Variants in FSIP2 observed in about 807,000 individuals in gnomAD.
The protein encoded by FSIP2 is fibrous sheath interacting protein 2, also known as fibrous sheath-interacting protein 2.
Under a neutral mutation model 510.5 loss-of-function variants are expected in FSIP2, and 367 were observed. That is an observed-to-expected ratio of 0.72 (90% CI 0.66 to 0.78). The LOEUF is 0.78. Among genes scored for constraint, FSIP2 ranks in the 30% least tolerant of loss-of-function variants. FSIP2 has a pLI of 0.00. For synonymous variants in FSIP2, 2,601 were observed against 2,732.2 expected (o/e 0.95, Z 1.50); for missense variants, 7,594 against 7,901.7 (o/e 0.96, Z 1.48).
Position 185,796,792 on chromosome 2 carries a change from A to G in FSIP2, c.9656A>G (p.Lys3219Arg). ...SVRSSVEDTVKNSEPTKRPDS... is the reference protein window; with the variant it reads ...SVRSSVEDTVRNSEPTKRPDS... ...AGATCCTCTGTAGAAGACACAGTTAAAAACTCAGAGCCAACGAAAAGGCCT... is the reference window on the plus strand; with the variant it reads ...AGATCCTCTGTAGAAGACACAGTTAGAAACTCAGAGCCAACGAAAAGGCCT... The change falls in exon 16 of 23, where the codon AAA becomes AGA. Residue 3219 changes from lysine (K) to arginine (R), a missense_variant. Coordinates refer to ENST00000424728, the MANE Select transcript of FSIP2 (RefSeq NM_173651.4). 1 of 1,535,170 alleles carries G rather than the reference A, an allele frequency of 6.5e-7. No individual in the cohort carries two copies. Among genetic ancestry groups the G allele is most frequent in the South Asian group, 1.2e-5 (1 of 84,022 alleles).
chr2:185,801,393 TG>T lies in FSIP2; in HGVS notation c.12088del (p.Glu4030LysfsTer31), dbSNP rs1253610824. 3 of 1,534,202 alleles carry T rather than the reference TG, an allele frequency of 2.0e-6. No individual in the cohort carries two copies. Among genetic ancestry groups the T allele is most frequent in the Non-Finnish European group, 2.6e-6 (3 of 1,145,624 alleles). ...CTCAAGTCACTGTTCTACGGAATGC[TG>T]AAGAAAGGCTGTGTTTTCCACCAGT... Reference protein sequence around the residue: ...NAQVTVLRNAEERLCFPPVHT... With the variant: ...NAQVTVLRNAXERLCFPPVHT... On this transcript the variant is annotated frameshift_variant, in exon 17 of 23. Coordinates refer to ENST00000424728, the MANE Select transcript of FSIP2 (RefSeq NM_173651.4). LOFTEE classifies it high-confidence loss of function.
At chr2:185,775,942 C>T (rs1008822393) in intron 13 of FSIP2, among the ~76,000 whole-genome samples, 4 of 152,268 alleles carry the variant, frequency 2.6e-5, no homozygotes, top group African/African-American at 9.6e-5. Context: ...GGATTACAGG[C>T]GTGAGCCATC....
intron 2 of FSIP2, among the ~76,000 whole-genome samples, chr2:185,740,228 T>TA (rs1347168518): frequency 1.3e-5 from 2 of 151,946 alleles, no homozygotes; most frequent in South Asian, 4.2e-4. Context: ...TGAACTGTGA[T>TA]AGCCCCCCCG....
intron 10 of FSIP2, 106 bp from the exon 11 acceptor site, chr2:185,761,866 A>G: frequency 1.8e-6 from 1 of 565,524 alleles, no homozygotes; most frequent in Non-Finnish European, 3.1e-6. Flanking sequence ...TACTGGTTAA[A>G]AGAGGGAAAA....
chr2:185,828,278 G>A, intron 21 of FSIP2, 79 bp downstream of exon 21: 1 of 798,602 alleles, frequency 1.3e-6, no homozygotes, highest in Non-Finnish European at 2.2e-6. Flanking sequence ...GTTCAGTCAG[G>A]GACTGTGTGG....
chr2:185,795,331 C>G lies in FSIP2; in HGVS notation c.8195C>G (p.Thr2732Ser), dbSNP rs1164029517. 1 of 1,534,866 alleles carries G rather than the reference C, an allele frequency of 6.5e-7. No individual in the cohort carries two copies. Among genetic ancestry groups the G allele is most frequent in the Admixed American group, 2.0e-5 (1 of 50,898 alleles). ...AKNLLDTKLPTSELKIYAKDI... is the reference protein window; with the variant it reads ...AKNLLDTKLPSSELKIYAKDI... ...AATTTACTGGACACAAAATTGCCCA[C>G]TTCAGAACTAAAAATATATGCCAAG... The change falls in exon 16 of 23, where the codon ACT (threonine) becomes AGT (serine). Residue 2732 changes from threonine to serine, a missense_variant. Coordinates refer to ENST00000424728, the MANE Select transcript of FSIP2 (RefSeq NM_173651.4).
chr2:185,789,762 G>C lies in FSIP2; in HGVS notation c.2626G>C (p.Glu876Gln), dbSNP rs1254829641. ...AGCTGGCAAAAATAAATCTAGTCTT[G>C]AATCTGATGAAGCTAGTTTAATTGT... ...QRAGKNKSSL[E>Q]SDEASLIVNE... The change falls in exon 16 of 23, where the codon GAA (glutamate) becomes CAA (glutamine). Residue 876 changes from glutamate to glutamine, a missense_variant. Glu to Gln is a conservative substitution (Grantham distance 29). Transcript: ENST00000424728. The C allele has an allele frequency of 1.6e-5, 25 of 1,534,248 alleles. No individual in the cohort carries two copies. Among genetic ancestry groups the C allele is most frequent in the Non-Finnish European group, 2.1e-5 (24 of 1,145,738 alleles).
Position 185,791,689 on chromosome 2 carries a change from T to A in FSIP2, c.4553T>A (p.Ile1518Asn). Residue 1518 changes from isoleucine to asparagine, a missense_variant, in exon 16 of 23, where the codon ATT becomes AAT. By Grantham distance (149) the Ile-to-Asn change is moderately radical. Coordinates refer to ENST00000424728, the MANE Select transcript of FSIP2 (RefSeq NM_173651.4). ...AAAGCTATCTCAGAGTCTCTTGACATTGACAACCCATCATTTGCTTCAATT... is the reference window on the plus strand; with the variant it reads ...AAAGCTATCTCAGAGTCTCTTGACAATGACAACCCATCATTTGCTTCAATT... ...GLKAISESLD[I>N]DNPSFASIIE... 6.5e-7 allele frequency: 1 copy of A among 1,534,350 alleles called. No homozygotes were observed. Among genetic ancestry groups the A allele is most frequent in the Non-Finnish European group, 8.7e-7 (1 of 1,145,604 alleles).
intron 16 of FSIP2, 80 bp downstream of exon 16, chr2:185,797,606 G>A (rs1693322947): frequency 7.2e-7 from 1 of 1,391,740 alleles, no homozygotes; most frequent in Non-Finnish European, 9.5e-7. Context: ...AAGATCTCCT[G>A]TCTAAAAAGC....
chr2:185,795,187 T>C lies in FSIP2; in HGVS notation c.8051T>C (p.Leu2684Pro), dbSNP rs1194907831. The C allele has an allele frequency of 2.0e-6, 3 of 1,534,814 alleles. No individual in the cohort carries two copies. In the Admixed American group the frequency reaches 5.9e-5, roughly 30 times the overall value. The change falls in exon 16 of 23, where the codon CTG (leucine) becomes CCG (proline). Residue 2684 changes from leucine (L) to proline (P), a missense_variant. Leu to Pro is a moderately conservative substitution (Grantham distance 98). Coordinates refer to ENST00000424728, the MANE Select transcript of FSIP2 (RefSeq NM_173651.4). ...TTTACAAAAAAAACACACTTAGGAC[T>C]GAGTGCTGCTAAGGCCAAAAGCAAA... ...PKFTKKTHLG[L>P]SAAKAKSKTK...
In FSIP2 at chr2:185,786,268, C is replaced by A. The variant is rs949569986; in HGVS notation, c.1486C>A (p.Gln496Lys). The A allele has an allele frequency of 1.3e-6, 2 of 1,520,890 alleles. No individual in the cohort carries two copies. The highest frequency in any genetic ancestry group is 1.8e-6 in the Non-Finnish European group (2 of 1,136,428). 94.2% of individuals were successfully genotyped at this position (1,520,890 alleles called of 1,614,324 possible). A position where few individuals can be genotyped will look rare whatever the true frequency, so the allele number is the denominator to read the frequency against. Reference protein sequence around the residue: ...VYTNMQQNLLQNCLQEKVTSE... With the variant: ...VYTNMQQNLLKNCLQEKVTSE... ...TCTTTACAGGCAACAGAACTTGCTG[C>A]AAAATTGCTTGCAAGAAAAAGTATG... Residue 496 changes from glutamine to lysine, a missense_variant, in exon 15 of 23, where the codon CAA becomes AAA. Gln to Lys is a moderately conservative substitution (Grantham distance 53). Coordinates refer to ENST00000424728, the MANE Select transcript of FSIP2 (RefSeq NM_173651.4).
intron 13 of FSIP2, among the ~76,000 whole-genome samples, chr2:185,769,750 TAG>T (rs1427309744): frequency 1.3e-5 from 2 of 152,212 alleles, no homozygotes; most frequent in African/African-American, 4.8e-5. Flanking sequence ...TTTTTATAAA[TAG>T]AGTTTTACAT....
At chr2:185,769,985 C>T (rs1260101903) in intron 13 of FSIP2, among the ~76,000 whole-genome samples, 13 of 152,098 alleles carry the variant, frequency 8.5e-5, no homozygotes, top group Admixed American at 1.3e-4. Flanking sequence ...CTGTAGTATA[C>T]TTTGAATTCA....
At chr2:185,812,726 C>T (rs1483826477) in intron 17 of FSIP2, among the ~76,000 whole-genome samples, 3 of 152,000 alleles carry the variant, frequency 2.0e-5, no homozygotes, top group African/African-American at 7.2e-5. Flanking sequence ...CCTCCAATAG[C>T]ACAGATAATC....
At chr2:185,755,917 G>T (rs987072492) in intron 8 of FSIP2, among the ~76,000 whole-genome samples, 1 of 151,470 alleles carries the variant, frequency 6.6e-6, no homozygotes, top group African/African-American at 2.4e-5. Flanking sequence ...GATGGAAAAT[G>T]ACATGTTTCA....
intron 18 of FSIP2, among the ~76,000 whole-genome samples, chr2:185,814,641 T>C (rs2105668576): frequency 6.6e-6 from 1 of 152,190 alleles, no homozygotes; most frequent in South Asian, 2.1e-4. Flanking sequence ...CAAATGATGG[T>C]CTGGGTCTCA....
At chr2:185,816,514 C>T (rs1036132608) in intron 19 of FSIP2, among the ~76,000 whole-genome samples, 14 of 151,732 alleles carry the variant, frequency 9.2e-5, no homozygotes, top group East Asian at 3.9e-4. Flanking sequence ...CTCTGGACAA[C>T]GGTCTGCAGC....
chr2:185,763,355 T>C (rs773491101), intron 12 of FSIP2, 66 bp downstream of exon 12: 19 of 733,394 alleles, frequency 2.6e-5, no homozygotes, highest in Non-Finnish European at 3.6e-5. Context: ...ATGGTCATAA[T>C]TGGTATAAAA....
chr2:185,783,329 TCTCAA>T (rs1267831966), intron 14 of FSIP2, among the ~76,000 whole-genome samples: 1 of 152,156 alleles, frequency 6.6e-6, no homozygotes, highest in African/African-American at 2.4e-5. Flanking sequence ...TATCTGTTTT[TCTCAA>T]CTCAAGAAAA....
Sources: allele counts gnomAD v4.1 joint callset (sites outside exome capture counted in the v4.1 genomes callset), GRCh38; gene constraint gnomAD v4.1.1; transcripts MANE v1.5; gene names NCBI Gene and HGNC (gene_info 2026-07-23, HGNC 2026-07-21).